Variants in TJP1 observed in about 807,000 individuals in gnomAD.
TJP1 encodes the protein tight junction protein ZO-1.
Under a neutral mutation model 194.2 loss-of-function variants are expected in TJP1, and 43 were observed. That is an observed-to-expected ratio of 0.22 (90% CI 0.17 to 0.29). The LOEUF is 0.29. Ranked by LOEUF, TJP1 falls within the 10% of genes least tolerant of loss-of-function variation. The pLI, the probability that TJP1 is intolerant of heterozygous loss-of-function variation, is 1.00. For missense variants in TJP1, 1,971 were observed against 2,185.7 expected (o/e 0.90, Z 1.96); for synonymous variants, 801 against 779.0 (o/e 1.03, Z -0.47).
At chr15:29,960,021 C>T (rs1159837019) in intron 1 of TJP1, among the ~76,000 whole-genome samples, 2 of 152,156 alleles carry the variant, frequency 1.3e-5, no homozygotes, top group East Asian at 3.8e-4. Flanking sequence ...ATTTCTCTCT[C>T]ACTTTATTTT....
intron 1 of TJP1, among the ~76,000 whole-genome samples, chr15:29,958,346 A>T: frequency 6.8e-6 from 1 of 146,120 alleles, no homozygotes; most frequent in Non-Finnish European, 1.5e-5. Flanking sequence ...ATGTAGCTGG[A>T]TTTTTTTCTT....
At chr15:29,944,019 A>G (rs962512371) in intron 2 of TJP1, among the ~76,000 whole-genome samples, 1 of 152,168 alleles carries the variant, frequency 6.6e-6, no homozygotes, top group Admixed American at 6.5e-5. Flanking sequence ...CTTAAAGGAA[A>G]TATTTTGTAT....
At chr15:29,918,560 C>A (rs1157583260) in intron 2 of TJP1, among the ~76,000 whole-genome samples, 1 of 151,860 alleles carries the variant, frequency 6.6e-6, no homozygotes, top group Non-Finnish European at 1.5e-5. Flanking sequence ...TGTGGCGAAA[C>A]CCCATCATTA....
chr15:29,710,003 G>A (rs1267140264), intron 24 of TJP1, among the ~76,000 whole-genome samples: 4 of 152,038 alleles, frequency 2.6e-5, no homozygotes, highest in South Asian at 4.1e-4. Flanking sequence ...AAAATTAGCC[G>A]GGCGTGGTGG....
chr15:29,866,622 GA>G (rs937869850), intron 2 of TJP1, among the ~76,000 whole-genome samples: 8 of 151,636 alleles, frequency 5.3e-5, no homozygotes, highest in Non-Finnish European at 8.8e-5. Context: ...TATTTATGCA[GA>G]AAAAAAACAG....
chr15:29,917,154 C>A (rs2054213754), intron 2 of TJP1, among the ~76,000 whole-genome samples: 2 of 152,174 alleles, frequency 1.3e-5, no homozygotes, highest in African/African-American at 4.8e-5. Flanking sequence ...AAGGATACGA[C>A]CTTGAAGGTG....
At chr15:29,746,664 A>G (rs2044804875) in intron 8 of TJP1, among the ~76,000 whole-genome samples, 1 of 152,014 alleles carries the variant, frequency 6.6e-6, no homozygotes, top group Non-Finnish European at 1.5e-5. Context: ...ATAAAGATTG[A>G]AAAAATATAT....
chr15:29,704,447 CG>C (rs1241504971), intron 26 of TJP1, 142 bp from the exon 27 acceptor site: 7 of 920,960 alleles, frequency 7.6e-6, no homozygotes, highest in Non-Finnish European at 1.0e-5. Flanking sequence ...CACAAAAAAA[CG>C]TAACAGCAGC....
At position 29,771,981 on chromosome 15, in the gene TJP1, G is replaced by A. The variant is rs145216191; in HGVS notation, c.312+83C>T. 446 of 856,116 alleles carry A rather than the reference G, an allele frequency of 5.2e-4. 1 individual carries two copies. In the African/African-American group the frequency reaches 6.9e-3, roughly 13 times the overall value. The allele number at this position is 856,116 out of a possible 1,614,324, so 53.0% of individuals were successfully genotyped here. On this transcript the variant is annotated intron_variant, in intron 4 of 27. Coordinates refer to ENST00000614355, the MANE Select transcript of TJP1 (RefSeq NM_001330239.4). ...ACTATTGTTTCAGTTTTCCTTAAAT[G>A]GGAAGGATAAATTCAAATACCAGAA... is the stretch of plus-strand genomic sequence containing the variant.
chr15:29,732,595 A>G (rs373991026), intron 14 of TJP1, 36 bp downstream of exon 14: 1 of 1,612,336 alleles, frequency 6.2e-7, no homozygotes. Flanking sequence ...TATTGACGTT[A>G]AAGGGTATTA....
chr15:29,887,139 A>G (rs1300935556), intron 2 of TJP1, among the ~76,000 whole-genome samples: 1 of 152,058 alleles, frequency 6.6e-6, no homozygotes, highest in Admixed American at 6.5e-5. Flanking sequence ...CCACTAGGTA[A>G]CAATTCAGAC....
At chr15:29,959,931 G>A (rs149141320) in intron 1 of TJP1, among the ~76,000 whole-genome samples, 11 of 152,180 alleles carry the variant, frequency 7.2e-5, no homozygotes, top group African/African-American at 2.4e-4. Flanking sequence ...AAGCTTCCAT[G>A]AAAACAATGA....
chr15:29,952,545 G>A (rs1255723268), intron 2 of TJP1, among the ~76,000 whole-genome samples: 1 of 152,064 alleles, frequency 6.6e-6, no homozygotes, highest in Non-Finnish European at 1.5e-5. Context: ...ACTGGGACCA[G>A]GAAACTACAG....
intron 2 of TJP1, among the ~76,000 whole-genome samples, chr15:29,785,889 G>T (rs1186209338): frequency 6.6e-6 from 1 of 152,186 alleles, no homozygotes; most frequent in Non-Finnish European, 1.5e-5. Context: ...GGTCCTGTGT[G>T]TCTCTATACT....
At chr15:29,907,276 G>GCCC (rs2053846730) in intron 2 of TJP1, among the ~76,000 whole-genome samples, 1 of 151,776 alleles carries the variant, frequency 6.6e-6, no homozygotes, top group African/African-American at 2.4e-5. Context: ...AGGGGTGGTG[G>GCCC]CGGGCGCCTG....
intron 2 of TJP1, among the ~76,000 whole-genome samples, chr15:29,835,142 A>G (rs549219209): frequency 6.6e-6 from 1 of 152,172 alleles, no homozygotes; most frequent in Non-Finnish European, 1.5e-5. Flanking sequence ...TTAAAAGCTG[A>G]AGATCTTTTT....
rs555221937 is a variant in TJP1 at position 29,819,405 on chromosome 15, T to C, written c.27+2597A>G. 1.4e-3 allele frequency among the ~76,000 whole-genome samples: 212 copies of C among 152,322 alleles called. 6 individuals are homozygous for C. Among genetic ancestry groups the C allele is most frequent in the Admixed American group, 0.014 (210 of 15,304 alleles). On this transcript the variant is annotated intron_variant, in intron 1 of 27. Coordinates refer to ENST00000614355, the MANE Select transcript of TJP1 (RefSeq NM_001330239.4). ...TTTCTTCACCAAAAAGTAGAGATAA[T>C]AGTTCACTTCATAGGGTTACTGTGA...
chr15:29,717,797 A>G (rs1332867268), intron 22 of TJP1, among the ~76,000 whole-genome samples: 1 of 152,178 alleles, frequency 6.6e-6, no homozygotes, highest in African/African-American at 2.4e-5. Flanking sequence ...TATCTTTCCG[A>G]AAGTCTGCTA....
chr15:29,706,745 C>T (rs2041925528), intron 25 of TJP1, among the ~76,000 whole-genome samples: 1 of 152,116 alleles, frequency 6.6e-6, no homozygotes, highest in African/African-American at 2.4e-5. Context: ...ACTGCAACCT[C>T]CACCTCCCAG....
Sources: allele counts gnomAD v4.1 joint callset (sites outside exome capture counted in the v4.1 genomes callset), GRCh38; gene constraint gnomAD v4.1.1; transcripts MANE v1.5; gene names NCBI Gene and HGNC (gene_info 2026-07-23, HGNC 2026-07-21).